Variants in PCDHA3 observed in about 807,000 individuals in gnomAD.
PCDHA3 encodes protocadherin alpha 3, also known as protocadherin alpha-3.
PCDHA3 carries 41 observed loss-of-function variants against 62.2 expected under a neutral mutation model. The ratio of observed to expected loss-of-function variants is 0.66; its 90% CI spans 0.51 to 0.86. The LOEUF is 0.86. PCDHA3 is among the 40% of genes least tolerant of loss of function. PCDHA3 has a pLI of 0.00. For synonymous variants in PCDHA3, 640 were observed against 555.4 expected, an observed-to-expected ratio of 1.15 and a Z score of -2.14; for missense variants, 1,304 against 1,241.2, an observed-to-expected ratio of 1.05 and a Z score of -0.76.
rs782200079 is a variant in PCDHA3, at chr5:140,809,410, C to A, written c.2394+5819C>A. ...CTCCGGGCAAGCCCACGCTGGTGTG[C>A]TCCAGTGCGGTGGGGAGCTGGTCAT... On this transcript the variant is annotated intron_variant, in intron 1 of 3. Transcript: ENST00000522353. 5.6e-6 allele frequency: 9 copies of A among 1,614,104 alleles called. No individual in the cohort carries two copies. In the Admixed American group the frequency reaches 1.5e-4, roughly 27 times the overall value.
At chr5:140,929,492 G>A in intron 1 of PCDHA3, 1 of 1,062,164 alleles carries the variant, frequency 9.4e-7, no homozygotes, top group Non-Finnish European at 1.3e-6. Context: ...AGTATTAGAA[G>A]ATTGCCCTAG....
chr5:140,876,165 C>A, intron 1 of PCDHA3: 3 of 1,613,944 alleles, frequency 1.9e-6, no homozygotes, highest in Non-Finnish European at 2.5e-6. Flanking sequence ...TTCAAATAAC[C>A]GTCCTGGATG....
rs2150503431 is a variant in PCDHA3, at chr5:140,850,946, T to C, written c.2394+47355T>C. 14 of 1,504,084 alleles carry C rather than the reference T, an allele frequency of 9.3e-6. 3 individuals are homozygous for C. Among genetic ancestry groups the C allele is most frequent in the Non-Finnish European group, 1.3e-5 (14 of 1,119,924 alleles). 93.2% of individuals were successfully genotyped at this position (1,504,084 alleles called of 1,614,324 possible). A position where few individuals can be genotyped will look rare whatever the true frequency, so the allele number is the denominator to read the frequency against. ...TAATTTTTTTTCTTGAAAGATATTA[T>C]CGATTACTCCCAGGGGCCGTTCAAA... On this transcript the variant is annotated intron_variant, in intron 1 of 3. Coordinates refer to ENST00000522353, the MANE Select transcript of PCDHA3 (RefSeq NM_018906.3).
chr5:140,834,265 T>G lies in PCDHA3; in HGVS notation c.2394+30674T>G, dbSNP rs2150214692. 46 of 1,021,472 alleles carry G rather than the reference T, an allele frequency of 4.5e-5. No individual in the cohort carries two copies. The South Asian group carries it at 6.6e-4, about 15-fold the overall frequency. The allele number at this position is 1,021,472 out of a possible 1,614,324, so 63.3% of individuals were successfully genotyped here. On this transcript the variant is annotated intron_variant, in intron 1 of 3. Coordinates refer to ENST00000522353, the MANE Select transcript of PCDHA3 (RefSeq NM_018906.3). ...CGCACTGGAAAGACGCTCCACTCTC[T>G]TTCACTCTTTGGATGCACAACAATG...
At chr5:140,893,892 C>A (rs1554185839) in intron 1 of PCDHA3, among the ~76,000 whole-genome samples, 1 of 152,184 alleles carries the variant, frequency 6.6e-6, no homozygotes, top group Non-Finnish European at 1.5e-5. Flanking sequence ...CAGAAAGTTA[C>A]TTTACCTTCT....
At chr5:141,004,331 C>G (rs1244942275) in intron 3 of PCDHA3, among the ~76,000 whole-genome samples, 1 of 152,210 alleles carries the variant, frequency 6.6e-6, no homozygotes, top group Non-Finnish European at 1.5e-5. Flanking sequence ...AGGTGAGGCA[C>G]AGTGGTCTGT....
Position 140,808,724 on chromosome 5 carries a change from G to A in PCDHA3, c.2394+5133G>A, listed in dbSNP as rs114390057. ...GTCGAGCTACGTTTCGGTGCATGCG[G>A]AGAGCGGCAAGGTGTACGCGCTGCA... On this transcript the variant is annotated intron_variant, in intron 1 of 3. Coordinates refer to ENST00000522353, the MANE Select transcript of PCDHA3 (RefSeq NM_018906.3). The A allele has an allele frequency of 2.3e-4, 363 of 1,612,218 alleles. 1 individual carries two copies. The African/African-American group carries it at 3.9e-3, about 17-fold the overall frequency.
chr5:140,934,915 A>G (rs1324840546), intron 1 of PCDHA3, among the ~76,000 whole-genome samples: 3 of 152,132 alleles, frequency 2.0e-5, no homozygotes, highest in Non-Finnish European at 4.4e-5. Context: ...ATAATTATGG[A>G]TTCACATAAA....
At position 140,802,725 on chromosome 5, in the gene PCDHA3, G is replaced by T; in HGVS notation, c.1528G>T (p.Val510Leu). 6.2e-7 allele frequency: 1 copy of T among 1,612,628 alleles called. No homozygotes were observed. The highest frequency in any genetic ancestry group is 1.1e-5 in the South Asian group (1 of 91,024). ...GCGCGCGCTGTCGAGCTACGTGTCG[G>T]TACACGCGGAGAGCGGCAAGGTGTA... ...GERALSSYVS[V>L]HAESGKVYAL... Residue 510 changes from valine to leucine, a missense_variant, in exon 1 of 4, where the codon GTA (valine) becomes TTA (leucine). Val to Leu is a conservative substitution (Grantham distance 32). Coordinates refer to ENST00000522353, the MANE Select transcript of PCDHA3 (RefSeq NM_018906.3).
chr5:140,875,450 C>A, intron 1 of PCDHA3: 1 of 1,590,616 alleles, frequency 6.3e-7, no homozygotes, highest in Non-Finnish European at 8.6e-7. Context: ...ATTGTCCCAA[C>A]TCAGAGGCCC....
intron 1 of PCDHA3, chr5:140,864,727 A>T (rs1456631288): frequency 1.3e-5 from 2 of 152,180 alleles, no homozygotes; most frequent in African/African-American, 4.8e-5. Context: ...TTTTGGGAAG[A>T]TTTCTTTGAG....
chr5:140,829,832 G>T, intron 1 of PCDHA3: 1 of 1,613,932 alleles, frequency 6.2e-7, no homozygotes, highest in Non-Finnish European at 8.5e-7. Context: ...GAGCGAGCTG[G>T]TGCCGCGGTC....
At chr5:140,863,196 G>T (rs782500346) in intron 1 of PCDHA3, 2 of 874,852 alleles carry the variant, frequency 2.3e-6, no homozygotes, top group Non-Finnish European at 3.6e-6. Context: ...TGGTGGCGTC[G>T]CTGGCGGAGA....
rs140175664 is a variant in PCDHA3, at chr5:140,837,632, C to CCTTT, written c.2394+34057_2394+34060dup. Among the ~76,000 whole-genome samples, 52 of 151,222 alleles carry CCTTT rather than the reference C, an allele frequency of 3.4e-4. 1 individual carries two copies. Among genetic ancestry groups the CCTTT allele is most frequent in the Middle Eastern group, 6.8e-3 (2 of 294 alleles). On this transcript the variant is annotated intron_variant, in intron 1 of 3. Transcript: ENST00000522353. ...TAATTTGCCCCTTCCTTCCTTCCTT[C>CCTTT]CTTTCTTTCTTTCTTTCTTCCTTTT...
chr5:140,868,044 A>G (rs1224087993), intron 1 of PCDHA3: 1 of 152,140 alleles, frequency 6.6e-6, no homozygotes, highest in Non-Finnish European at 1.5e-5. Flanking sequence ...TGGAAATACC[A>G]ATATGGCACA....
chr5:140,907,408 C>T (rs2073363118), intron 1 of PCDHA3, among the ~76,000 whole-genome samples: 1 of 152,118 alleles, frequency 6.6e-6, no homozygotes. Flanking sequence ...TGTGGAATAC[C>T]ACGATGGTGG....
At chr5:140,883,945 C>T in intron 1 of PCDHA3, 1 of 1,613,378 alleles carries the variant, frequency 6.2e-7, no homozygotes, top group Non-Finnish European at 8.5e-7. Context: ...TGGACGAGAA[C>T]GACAACGCTC....
At chr5:140,819,899 A>T (rs1188836600) in intron 1 of PCDHA3, among the ~76,000 whole-genome samples, 1 of 152,028 alleles carries the variant, frequency 6.6e-6, no homozygotes, top group Non-Finnish European at 1.5e-5. Context: ...TCTGCAGATT[A>T]CAATGTACAC....
rs2150393367 is a variant in PCDHA3, at chr5:140,846,648, A to T, written c.2394+43057A>T. 2.0e-5 allele frequency among the ~76,000 whole-genome samples: 3 copies of T among 149,386 alleles called. No individual in the cohort carries two copies. The South Asian group carries it at 6.4e-4, about 32-fold the overall frequency. On this transcript the variant is annotated intron_variant, in intron 1 of 3. Coordinates refer to ENST00000522353, the MANE Select transcript of PCDHA3 (RefSeq NM_018906.3). ...TTCGGCCTCCTAAAGTGCTGGGATT[A>T]CAGGCATGAGCCACCGCGCCCAGCC...
Sources: allele counts gnomAD v4.1 joint callset (sites outside exome capture counted in the v4.1 genomes callset), GRCh38; gene constraint gnomAD v4.1.1; transcripts MANE v1.5; gene names NCBI Gene and HGNC (gene_info 2026-07-23, HGNC 2026-07-21).